Variants in MARCHF1 observed in about 807,000 individuals in gnomAD.
The protein encoded by MARCHF1 is E3 ubiquitin-protein ligase MARCHF1.
Under a neutral mutation model 54.2 loss-of-function variants are expected in MARCHF1, and 40 were observed. The ratio of observed to expected loss-of-function variants is 0.74; its 90% CI spans 0.57 to 0.96. The LOEUF is 0.96. Ranked by LOEUF, MARCHF1 falls within the 40% of genes least tolerant of loss-of-function variation. The probability of loss-of-function intolerance (pLI) is 0.00; values close to 1 mark genes in which losing one functional copy is unlikely to be tolerated. For missense variants in MARCHF1, 586 were observed against 656.5 expected (o/e 0.89, Z 1.17); for synonymous variants, 236 against 236.3 (o/e 1.00, Z 0.01).
At chr4:164,358,610 T>C (rs1476499481) in intron 1 of MARCHF1, among the ~76,000 whole-genome samples, 1 of 152,156 alleles carries the variant, frequency 6.6e-6, no homozygotes, top group Non-Finnish European at 1.5e-5. Flanking sequence ...ACTGGGTAAA[T>C]GGTAGTTGGT....
intron 5 of MARCHF1, among the ~76,000 whole-genome samples, chr4:163,660,376 A>G (rs28519994): frequency 0.35 from 53,768 of 151,584 alleles, 11,066 homozygotes; most frequent in African/African-American, 0.56. Flanking sequence ...ACACAAGGAG[A>G]GGAATGTCAC....
chr4:164,144,360 G>C (rs1729607534), intron 1 of MARCHF1, among the ~76,000 whole-genome samples: 1 of 151,510 alleles, frequency 6.6e-6, no homozygotes, highest in Admixed American at 6.6e-5. Flanking sequence ...CAAATCAACA[G>C]AATATATATT....
chr4:164,054,220 G>A (rs367900724), intron 2 of MARCHF1, among the ~76,000 whole-genome samples: 10 of 151,194 alleles, frequency 6.6e-5, no homozygotes, highest in South Asian at 4.2e-4. Context: ...CAAAACCACA[G>A]TGAGATACCA....
rs981170196 is a variant in MARCHF1, at chr4:164,249,708, TA to T, written c.-323+134161del. Among the ~76,000 whole-genome samples, 9 of 147,218 alleles carry T rather than the reference TA, an allele frequency of 6.1e-5. 1 individual carries two copies. The highest frequency in any genetic ancestry group is 1.4e-4 in the Admixed American group (2 of 14,718). ...GTCGGGGAGAACAGTAAAAACCAGTTAAAAAAAAATGACCCATGCAGTTAGA... is the reference window on the plus strand; with the variant it reads ...GTCGGGGAGAACAGTAAAAACCAGTTAAAAAAAATGACCCATGCAGTTAGA... On this transcript the variant is annotated intron_variant, in intron 1 of 9. Coordinates refer to ENST00000514618, the MANE Select transcript of MARCHF1 (RefSeq NM_001394959.1).
At chr4:164,083,547 T>C (rs11731551) in intron 2 of MARCHF1, among the ~76,000 whole-genome samples, 62,990 of 151,908 alleles carry the variant, frequency 0.41, 13,978 homozygotes, top group Non-Finnish European at 0.49. Flanking sequence ...ATGTTTCCTT[T>C]ATGCAGAAAA....
At chr4:163,752,078 T>A (rs1296796838) in intron 4 of MARCHF1, among the ~76,000 whole-genome samples, 1 of 152,200 alleles carries the variant, frequency 6.6e-6, no homozygotes, top group Non-Finnish European at 1.5e-5. Flanking sequence ...TAGGGACTTA[T>A]AACTCATAGT....
chr4:164,371,377 T>C (rs995510687), intron 1 of MARCHF1, among the ~76,000 whole-genome samples: 2 of 152,090 alleles, frequency 1.3e-5, no homozygotes, highest in Non-Finnish European at 2.9e-5. Context: ...ACTAAATTTG[T>C]AAAGGAAAAG....
intron 1 of MARCHF1, among the ~76,000 whole-genome samples, chr4:164,312,468 G>A (rs1448156728): frequency 6.6e-6 from 1 of 150,708 alleles, no homozygotes; most frequent in East Asian, 2.0e-4. Flanking sequence ...GACTACAGGC[G>A]CCCGCCACTA....
chr4:163,831,168 T>C (rs983691467), intron 4 of MARCHF1, among the ~76,000 whole-genome samples: 6 of 152,154 alleles, frequency 3.9e-5, no homozygotes, highest in Non-Finnish European at 8.8e-5. Flanking sequence ...TTTTCTGCAC[T>C]GAACCCTTAG....
chr4:163,927,903 A>G (rs1213958878), intron 3 of MARCHF1, among the ~76,000 whole-genome samples: 2 of 151,902 alleles, frequency 1.3e-5, no homozygotes, highest in Non-Finnish European at 2.9e-5. Flanking sequence ...ATAAAGATTT[A>G]AAATTTTTTC....
rs559644516 is a variant in MARCHF1, at chr4:163,636,046, C to G, written c.163-22653G>C. ...AAGGCCTTTGACAAAATTCAACAAC[C>G]CTTCATGCTAAAAACTCTCAATAAA... On this transcript the variant is annotated intron_variant, in intron 5 of 9. Transcript: ENST00000514618. Among the ~76,000 whole-genome samples, 84 of 152,228 alleles carry G rather than the reference C, an allele frequency of 5.5e-4. 2 individuals carry two copies. The East Asian group carries it at 0.013, about 23-fold the overall frequency.
At chr4:163,685,161 C>T (rs776240978) in intron 5 of MARCHF1, among the ~76,000 whole-genome samples, 1 of 151,898 alleles carries the variant, frequency 6.6e-6, no homozygotes, top group Admixed American at 6.6e-5. Flanking sequence ...CATTAAAAAT[C>T]GTTTTATTAC....
chr4:163,629,692 G>T (rs1387523764), intron 5 of MARCHF1, among the ~76,000 whole-genome samples: 1 of 152,150 alleles, frequency 6.6e-6, no homozygotes, highest in Non-Finnish European at 1.5e-5. Flanking sequence ...AATCTAAGGG[G>T]GCTAGGGGAG....
At chr4:163,549,218 CTA>C (rs1739015735) in intron 8 of MARCHF1, among the ~76,000 whole-genome samples, 2 of 152,182 alleles carry the variant, frequency 1.3e-5, no homozygotes, top group Admixed American at 1.3e-4. Flanking sequence ...GGAGATGACT[CTA>C]TGTTAGTTTT....
At chr4:164,352,620 A>G (rs906219424) in intron 1 of MARCHF1, among the ~76,000 whole-genome samples, 23 of 150,444 alleles carry the variant, frequency 1.5e-4, no homozygotes, top group African/African-American at 5.6e-4. Flanking sequence ...AGCGCTAAAC[A>G]TGGAAAGGAA....
intron 2 of MARCHF1, among the ~76,000 whole-genome samples, chr4:164,068,471 G>A (rs539725363): frequency 3.7e-4 from 56 of 152,258 alleles, no homozygotes; most frequent in African/African-American, 1.2e-3. Context: ...GCATGGGCTC[G>A]GCAGGCCCCA....
At position 164,176,978 on chromosome 4, in the gene MARCHF1, CTCTATATATATATA is replaced by C. The variant is rs1379570852; in HGVS notation, c.-322-65330_-322-65317del. On this transcript the variant is annotated intron_variant, in intron 1 of 9. Coordinates refer to ENST00000514618, the MANE Select transcript of MARCHF1 (RefSeq NM_001394959.1). ...TCTCTCTCTCTCTCTCTCTCTCTCTCTCTATATATATATATATATATATATATATATACAAATGA... is the reference window on the plus strand; with the variant it reads ...TCTCTCTCTCTCTCTCTCTCTCTCTCTATATATATATATATATACAAATGA... Among the ~76,000 whole-genome samples the C allele has an allele frequency of 3.6e-3, 139 of 38,866 alleles. 3 individuals carry two copies. Among genetic ancestry groups the C allele is most frequent in the African/African-American group, 0.014 (127 of 9,034 alleles). 25.5% of individuals were successfully genotyped at this position (38,866 alleles called of 152,430 possible). A position where few individuals can be genotyped will look rare whatever the true frequency, so the allele number is the denominator to read the frequency against.
chr4:164,031,466 G>A (rs1753876686), intron 2 of MARCHF1, among the ~76,000 whole-genome samples: 1 of 151,682 alleles, frequency 6.6e-6, no homozygotes, highest in Non-Finnish European at 1.5e-5. Context: ...TTGGCTGTAG[G>A]TTTTCATAAA....
At chr4:164,300,270 A>G (rs1014312523) in intron 1 of MARCHF1, among the ~76,000 whole-genome samples, 1 of 152,122 alleles carries the variant, frequency 6.6e-6, no homozygotes, top group Non-Finnish European at 1.5e-5. Context: ...TTTCTCAGAC[A>G]ATAAATCATA....
Sources: gnomAD v4.1 joint callset for allele counts (sites outside exome capture counted in the v4.1 genomes callset) on GRCh38, gnomAD v4.1.1 for gene constraint, MANE v1.5 for transcripts, NCBI Gene and HGNC (gene_info 2026-07-23, HGNC 2026-07-21) for gene names.